IL4R: variants seen among roughly 807,000 people sequenced by gnomAD.
IL4R encodes interleukin-4 receptor subunit alpha.
Under a neutral mutation model 41.5 loss-of-function variants are expected in IL4R, and 17 were observed. That is an observed-to-expected ratio of 0.41 (90% CI 0.28 to 0.61). The LOEUF is 0.61. IL4R is among the 20% of genes least tolerant of loss of function. The pLI is 0.31. For missense variants in IL4R, 974 were observed against 1,043.1 expected (o/e 0.93, Z 0.91); for synonymous variants, 402 against 422.9 (o/e 0.95, Z 0.61).
chr16:27,342,368 T>C (rs1368951478), intron 4 of IL4R, 109 bp downstream of exon 4: 4 of 1,332,762 alleles, frequency 3.0e-6, no homozygotes, highest in African/African-American at 1.4e-5. Flanking sequence ...CTGAGTATGG[T>C]TTGCTGCTGT....
intron 1 of IL4R, among the ~76,000 whole-genome samples, chr16:27,322,349 G>C (rs779162180): frequency 3.9e-4 from 60 of 152,052 alleles, no homozygotes; most frequent in Non-Finnish European, 8.4e-4. Flanking sequence ...GCTGATGTTT[G>C]TGTTTTTTGT....
rs552011624 is a variant in IL4R, at chr16:27,324,053, C to T, written c.-151-6013C>T. On this transcript the variant is annotated intron_variant, in intron 1 of 10. Coordinates refer to ENST00000395762, the MANE Select transcript of IL4R (RefSeq NM_000418.4). ...AGTTGGGGAGGGGCGAAACCAAGGG[C>T]AGAAGGGCCCAGGGCATGGCCTCTC... Among the ~76,000 whole-genome samples, 3 of 152,306 alleles carry T rather than the reference C, an allele frequency of 2.0e-5. No homozygotes were observed. The East Asian group carries it at 5.8e-4, about 29-fold the overall frequency.
rs755441392 is a variant in IL4R at position 27,346,545 on chromosome 16, A to C, written c.440A>C (p.Tyr147Ser). ...DTLLLTWSNP[Y>S]PPDNYLYNHL... is the part of the protein sequence containing the mutation. ...CTGCTGCTGACCTGGAGCAACCCGT[A>C]TCCCCCTGACAATTACCTGTATAAT... Residue 147 changes from tyrosine (Y) to serine (S), a missense_variant, in exon 6 of 11, where the codon TAT becomes TCT. By Grantham distance (144) the Tyr-to-Ser change is moderately radical (BLOSUM62 -2). Transcript: ENST00000395762. 1 of 1,614,164 alleles carries C rather than the reference A, an allele frequency of 6.2e-7. No individual in the cohort carries two copies. Among genetic ancestry groups the C allele is most frequent in the Admixed American group, 1.7e-5 (1 of 60,016 alleles).
chr16:27,334,444 A>G (rs2085197893), intron 2 of IL4R: 1 of 152,096 alleles, frequency 6.6e-6, no homozygotes, highest in East Asian at 1.9e-4. Flanking sequence ...CTTCCACAAC[A>G]GATTAAGGAT....
chr16:27,335,698 C>G (rs2085243148), intron 2 of IL4R, among the ~76,000 whole-genome samples: 1 of 152,106 alleles, frequency 6.6e-6, no homozygotes, highest in Non-Finnish European at 1.5e-5. Context: ...GAATTCCAAG[C>G]CTATCTGGTA....
chr16:27,327,865 C>T (rs2085003939), intron 1 of IL4R, among the ~76,000 whole-genome samples: 1 of 152,028 alleles, frequency 6.6e-6, no homozygotes, highest in Non-Finnish European at 1.5e-5. Flanking sequence ...AAAATAAGTA[C>T]TGCATATACA....
chr16:27,332,498 T>C (rs2085139786), intron 2 of IL4R, among the ~76,000 whole-genome samples: 1 of 152,038 alleles, frequency 6.6e-6, no homozygotes, highest in African/African-American at 2.4e-5. Flanking sequence ...CAATTCAAGG[T>C]GAGATTTGGG....
chr16:27,363,052 C>T lies in IL4R; in HGVS notation c.1700C>T (p.Pro567Leu), dbSNP rs368109373. Residue 567 changes from proline (P) to leucine (L), a missense_variant, in exon 11 of 11, where the codon CCC (proline) becomes CTC (leucine). By Grantham distance (98) the Pro-to-Leu change is moderately conservative (BLOSUM62 -3). Around this residue, in one of 3 missense-constraint regions of IL4R, gnomAD observed 682 missense variants for 704.3 expected, o/e 0.97. Transcript: ENST00000395762. ...NVLQHGAAAA[P>L]VSAPTSGYQE... ...CTCCAGCATGGGGCAGCTGCAGCCCCCGTCTCGGCCCCCACCAGTGGCTAT... is the reference window on the plus strand; with the variant it reads ...CTCCAGCATGGGGCAGCTGCAGCCCTCGTCTCGGCCCCCACCAGTGGCTAT... 2.5e-6 allele frequency: 4 copies of T among 1,614,018 alleles called. No homozygotes were observed. The African/African-American group carries it at 5.3e-5, about 22-fold the overall frequency.
At chr16:27,360,471 T>A (rs902426609) in intron 9 of IL4R, among the ~76,000 whole-genome samples, 1 of 152,178 alleles carries the variant, frequency 6.6e-6, no homozygotes, top group South Asian at 2.1e-4. Context: ...TGGCATGATA[T>A]CACTTCCATC....
At chr16:27,333,126 A>T (rs934983589) in intron 2 of IL4R, among the ~76,000 whole-genome samples, 4 of 151,590 alleles carry the variant, frequency 2.6e-5, no homozygotes, top group African/African-American at 9.7e-5. Context: ...ACCTGAGGAG[A>T]ATGTATATTC....
intron 7 of IL4R, among the ~76,000 whole-genome samples, chr16:27,353,630 A>G (rs983519408): frequency 4.6e-5 from 7 of 152,104 alleles, no homozygotes; most frequent in Non-Finnish European, 1.0e-4. Flanking sequence ...TCTTCCCTCC[A>G]TTCTTTTTTT....
chr16:27,340,700 T>A (rs1468318789), intron 3 of IL4R, among the ~76,000 whole-genome samples: 1 of 151,562 alleles, frequency 6.6e-6, no homozygotes, highest in Non-Finnish European at 1.5e-5. Flanking sequence ...CCAGCCTGCG[T>A]GAGAAAGTGA....
At chr16:27,352,063 A>C (rs371131155) in intron 6 of IL4R, among the ~76,000 whole-genome samples, 1 of 152,198 alleles carries the variant, frequency 6.6e-6, no homozygotes, top group South Asian at 2.1e-4. Context: ...AAGATCACCC[A>C]GTGCTTTTTG....
At chr16:27,315,993 C>T (rs982623494) in intron 1 of IL4R, among the ~76,000 whole-genome samples, 6 of 152,086 alleles carry the variant, frequency 3.9e-5, no homozygotes, top group Non-Finnish European at 8.8e-5. Flanking sequence ...AATACAATCC[C>T]GGTTGCAAAA....
chr16:27,361,958 G>A (rs1375796959), intron 10 of IL4R, among the ~76,000 whole-genome samples: 1 of 152,074 alleles, frequency 6.6e-6, no homozygotes, highest in African/African-American at 2.4e-5. Context: ...TGGGATAATG[G>A]TGTTGCTTTT....
intron 2 of IL4R, among the ~76,000 whole-genome samples, chr16:27,334,837 T>A (rs2085213134): frequency 6.6e-6 from 1 of 152,150 alleles, no homozygotes; most frequent in Non-Finnish European, 1.5e-5. Flanking sequence ...TGCAGCCTCA[T>A]GCTGAGCCAG....
chr16:27,324,327 G>A (rs1024728763), intron 1 of IL4R, among the ~76,000 whole-genome samples: 29 of 152,352 alleles, frequency 1.9e-4, no homozygotes, highest in African/African-American at 6.7e-4. Context: ...TCCAAGCCAG[G>A]ATTTGCTAGT....
intron 10 of IL4R, among the ~76,000 whole-genome samples, chr16:27,361,439 T>A (rs2086280109): frequency 1.3e-5 from 2 of 151,906 alleles, no homozygotes; most frequent in Non-Finnish European, 2.9e-5. Flanking sequence ...AGAGTGAGAC[T>A]CTTGTCTCAA....
chr16:27,346,658 G>A (rs755674013), intron 6 of IL4R, 40 bp downstream of exon 6: 2 of 1,608,672 alleles, frequency 1.2e-6, no homozygotes, highest in South Asian at 1.1e-5. Flanking sequence ...TGACCTCTGG[G>A]GAACAGGGTG....
Sources: allele counts gnomAD v4.1 joint callset (sites outside exome capture counted in the v4.1 genomes callset), GRCh38; gene constraint gnomAD v4.1.1; regional missense constraint gnomAD v4.1.1; transcripts MANE v1.5; gene names NCBI Gene and HGNC (gene_info 2026-07-23, HGNC 2026-07-21).